Variants in IQCF1 observed in about 807,000 individuals in gnomAD.
IQCF1 encodes the protein IQ motif containing F1, also known as IQ domain-containing protein F1.
IQCF1 carries 9 observed loss-of-function variants against 12.5 expected under a neutral mutation model. That is an observed-to-expected ratio of 0.72 (90% CI 0.43 to 1.26). The LOEUF is 1.26. IQCF1 is among the 50% of genes most tolerant of loss of function. The pLI is 0.00. For synonymous variants in IQCF1, 67 were observed against 96.2 expected (o/e 0.70, Z 1.78); for missense variants, 252 against 257.4 (o/e 0.98, Z 0.14).
intron 2 of IQCF1, among the ~76,000 whole-genome samples, chr3:51,901,370 C>A (rs959776697): frequency 2.6e-5 from 4 of 152,222 alleles, no homozygotes; most frequent in African/African-American, 9.7e-5. Context: ...ATACTAAGTT[C>A]ACTTCATGTC....
chr3:51,899,418 T>C (rs1174708804), intron 2 of IQCF1, among the ~76,000 whole-genome samples: 5 of 152,178 alleles, frequency 3.3e-5, no homozygotes, highest in Non-Finnish European at 7.4e-5. Flanking sequence ...GCCTCCTGAA[T>C]GTAAAACTAT....
chr3:51,903,112 G>A (rs1329269256), intron 1 of IQCF1, 23 bp from the exon 2 acceptor site: 1 of 1,611,374 alleles, frequency 6.2e-7, no homozygotes. Flanking sequence ...TTAGGGGAAA[G>A]GCAAGAGTGA....
Position 51,894,934 on chromosome 3 carries a change from G to A in IQCF1, c.574C>T (p.Pro192Ser). 2.5e-6 allele frequency: 4 copies of A among 1,614,124 alleles called. No homozygotes were observed. The highest frequency in any genetic ancestry group is 2.5e-6 in the Non-Finnish European group (3 of 1,180,010). ...GGAATACACTCTGTCACAATGCAAG[G>A]CCCTGAGTCCAGCAAGATCTCCAGC... ...LQLEILLDSG[P>S]CIVTECIPFS... is the part of the protein sequence containing the mutation. The change falls in exon 4 of 4, where the codon CCT (proline) becomes TCT (serine). Residue 192 changes from proline to serine, a missense_variant. Transcript: ENST00000310914.
rs1699091720 is a variant in IQCF1, at chr3:51,902,739, T to G, written c.108+246A>C. On this transcript the variant is annotated intron_variant, in intron 2 of 3. Coordinates refer to ENST00000310914, the MANE Select transcript of IQCF1 (RefSeq NM_152397.3). ...GAATGACACAGCAGCAGGGGCCACG[T>G]GCATCAGGGATAAGAACCCCTTCCC... The G allele has an allele frequency of 1.5e-5, 7 of 458,830 alleles. No homozygotes were observed. The Admixed American group carries it at 2.0e-4, about 13-fold the overall frequency. 28.4% of individuals were successfully genotyped at this position (458,830 alleles called of 1,614,324 possible).
In IQCF1 at chr3:51,901,585, C is replaced by T. The variant is rs559008912; in HGVS notation, c.108+1400G>A. 9.3e-4 allele frequency among the ~76,000 whole-genome samples: 141 copies of T among 152,278 alleles called. 2 individuals are homozygous for T. Among genetic ancestry groups the T allele is most frequent in the African/African-American group, 3.2e-3 (134 of 41,552 alleles). On this transcript the variant is annotated intron_variant, in intron 2 of 3. Transcript: ENST00000310914. ...TTAGTCCAATTGGCTATCCCTTTCA[C>T]CCTGGCATTTCATCAACCAGAGGAA...
At chr3:51,899,313 T>G (rs1255969147) in intron 2 of IQCF1, among the ~76,000 whole-genome samples, 1 of 152,156 alleles carries the variant, frequency 6.6e-6, no homozygotes, top group Non-Finnish European at 1.5e-5. Flanking sequence ...GTCAGAAAAT[T>G]GAGGCATGTT....
Position 51,895,502 on chromosome 3 carries a change from T to G in IQCF1, c.172-166A>C, listed in dbSNP as rs886978290. Among the ~76,000 whole-genome samples, 5 of 152,210 alleles carry G rather than the reference T, an allele frequency of 3.3e-5. No homozygotes were observed. Among genetic ancestry groups the G allele is most frequent in the African/African-American group, 1.2e-4 (5 of 41,462 alleles). Reference sequence around the variant, plus strand: ...GAACCAGAAGATCAGGTAGATGTCCTGCCTCTGCCATCCTCTGGTTGATAG... The same window carrying G: ...GAACCAGAAGATCAGGTAGATGTCCGGCCTCTGCCATCCTCTGGTTGATAG... On this transcript the variant is annotated intron_variant, in intron 3 of 3. Coordinates refer to ENST00000310914, the MANE Select transcript of IQCF1 (RefSeq NM_152397.3). The surrounding 1 kb of genome is among the most constrained non-coding windows in gnomAD (Gnocchi z 4.8).
chr3:51,901,081 C>T (rs1273450797), intron 2 of IQCF1, among the ~76,000 whole-genome samples: 1 of 152,180 alleles, frequency 6.6e-6, no homozygotes, highest in African/African-American at 2.4e-5. Flanking sequence ...GACAGGATAC[C>T]AAGATGCAAA....
At chr3:51,897,648 A>C (rs1336991266) in intron 2 of IQCF1, among the ~76,000 whole-genome samples, 1 of 152,136 alleles carries the variant, frequency 6.6e-6, no homozygotes, top group Non-Finnish European at 1.5e-5. Context: ...TGCGGCAACA[A>C]CTCTGTGCAC....
In IQCF1 at chr3:51,902,995, G is replaced by C. The variant is rs1160458744; in HGVS notation, c.98C>G (p.Ser33Ter). 3 of 1,613,582 alleles carry C rather than the reference G, an allele frequency of 1.9e-6. No individual in the cohort carries two copies. In the East Asian group the frequency reaches 6.7e-5, roughly 36 times the overall value. ...CAGGGCTCCTCCTACCTCTGCCTTT[G>C]ACTCTGCTCCTAAGGACAAATGGGT... is the stretch of plus-strand genomic sequence containing the variant. ...MPTHLSLGAE[S>*]KAEAKTPVLV... The change falls in exon 2 of 4, where the codon TCA becomes TGA. Residue 33 changes from serine to a stop codon, truncating the protein, a stop_gained. Transcript: ENST00000310914. LOFTEE classifies it high-confidence loss of function.
At chr3:51,899,776 T>A (rs1699053900) in intron 2 of IQCF1, among the ~76,000 whole-genome samples, 1 of 152,182 alleles carries the variant, frequency 6.6e-6, no homozygotes, top group Non-Finnish European at 1.5e-5. Flanking sequence ...CATCAAAAAT[T>A]GGATAAATAT....
At chr3:51,897,396 G>A (rs188515272) in intron 2 of IQCF1, among the ~76,000 whole-genome samples, 3 of 152,344 alleles carry the variant, frequency 2.0e-5, no homozygotes, top group Admixed American at 2.0e-4. Flanking sequence ...TTATATTTGA[G>A]TGCTATTTCT....
chr3:51,903,069 C>G lies in IQCF1; in HGVS notation c.24G>C (p.Lys8Asn), dbSNP rs201110622. The G allele has an allele frequency of 7.4e-6, 12 of 1,614,160 alleles. No individual in the cohort carries two copies. In the African/African-American group the frequency reaches 1.3e-4, roughly 18 times the overall value. Reference sequence around the variant, plus strand: ...CATCTTCTTTTGAGGGTTCCTTCGTCTTTTGGGGCTGCTTCTCCTCCTGCA... The same window carrying G: ...CATCTTCTTTTGAGGGTTCCTTCGTGTTTTGGGGCTGCTTCTCCTCCTGCA... MEEKQPQ[K>N]TKEPSKEDEP... Residue 8 changes from lysine to asparagine, a missense_variant, in exon 2 of 4, where the codon AAG becomes AAC. Transcript: ENST00000310914.
intron 2 of IQCF1, among the ~76,000 whole-genome samples, chr3:51,899,078 G>GA (rs1204610723): frequency 1.3e-5 from 2 of 152,192 alleles, no homozygotes; most frequent in Non-Finnish European, 2.9e-5. Context: ...AAAGTTGGCT[G>GA]AAAGTTAACA....
In IQCF1 at chr3:51,900,136, G is replaced by A. The variant is rs545808720; in HGVS notation, c.108+2849C>T. On this transcript the variant is annotated intron_variant, in intron 2 of 3. Coordinates refer to ENST00000310914, the MANE Select transcript of IQCF1 (RefSeq NM_152397.3). The surrounding 1 kb of genome is among the most constrained non-coding windows in gnomAD (Gnocchi z 4.2). ...ATTTCCGGTAAACCAGCACCAGCCTGAAGATCACATTCTCATCAAAGGGTG... is the reference window on the plus strand; with the variant it reads ...ATTTCCGGTAAACCAGCACCAGCCTAAAGATCACATTCTCATCAAAGGGTG... 6.6e-6 allele frequency among the ~76,000 whole-genome samples: 1 copy of A among 152,036 alleles called. No individual in the cohort carries two copies. Among genetic ancestry groups the A allele is most frequent in the Non-Finnish European group, 1.5e-5 (1 of 68,006 alleles).
chr3:51,899,807 A>G (rs565888764), intron 2 of IQCF1, among the ~76,000 whole-genome samples: 25 of 152,376 alleles, frequency 1.6e-4, no homozygotes, highest in African/African-American at 6.0e-4. Context: ...TTTTATTAAA[A>G]TTAAGTTTAA....
chr3:51,896,713 G>GCACACA (rs59897184), intron 3 of IQCF1, 119 bp downstream of exon 3: 180 of 610,128 alleles, frequency 3.0e-4, no homozygotes, highest in Middle Eastern at 2.3e-3. Flanking sequence ...ACACACACAC[G>GCACACA]CACACACACA....
chr3:51,899,813 TTTAACA>T (rs1699054364), intron 2 of IQCF1, among the ~76,000 whole-genome samples: 2 of 152,186 alleles, frequency 1.3e-5, no homozygotes. Flanking sequence ...TAAAATTAAG[TTTAACA>T]TTAATAACAC....
At position 51,895,153 on chromosome 3, in the gene IQCF1, C is replaced by A. The variant is rs1335901743; in HGVS notation, c.355G>T (p.Glu119Ter). 6.2e-7 allele frequency: 1 copy of A among 1,614,132 alleles called. No homozygotes were observed. Among genetic ancestry groups the A allele is most frequent in the Admixed American group, 1.7e-5 (1 of 60,010 alleles). The change falls in exon 4 of 4, where the codon GAG (glutamate) becomes TAG (stop). Residue 119 changes from glutamate to a stop codon, truncating the protein, a stop_gained. Coordinates refer to ENST00000310914, the MANE Select transcript of IQCF1 (RefSeq NM_152397.3). LOFTEE classifies it low-confidence loss of function (END_TRUNC). This position sits in a 1 kb window ranked among gnomAD's most constrained non-coding sequence, Gnocchi z 4.8. ...ILKKRRQAAL[E>*]AFSRKEWAAV... ...GCCCACTCCTTCCGGGAGAAGGCCT[C>A]TAGCGCTGCCTGCCGCCTCTTCTTC...
Sources: gnomAD v4.1 joint callset for allele counts (sites outside exome capture counted in the v4.1 genomes callset) on GRCh38, gnomAD v4.1.1 for gene constraint, Gnocchi (gnomAD v3.1) non-coding constraint, MANE v1.5 for transcripts, NCBI Gene and HGNC (gene_info 2026-07-23, HGNC 2026-07-21) for gene names.